The following NAALADL2 variants were observed in gnomAD, a reference collection of about 807,000 sequenced individuals.
NAALADL2 encodes the protein inactive N-acetylated-alpha-linked acidic dipeptidase-like protein 2.
A neutral mutation model predicts 87.2 loss-of-function variants in NAALADL2; 76 were observed. The observed-to-expected ratio is 0.87, with a 90% CI of 0.72 to 1.05. The LOEUF is 1.05. Ranked by LOEUF, NAALADL2 falls within the 50% of genes least tolerant of loss-of-function variation. The pLI, the probability that NAALADL2 is intolerant of heterozygous loss-of-function variation, is 0.00. For synonymous variants in NAALADL2, 354 were observed against 331.0 expected (o/e 1.07, Z -0.75); for missense variants, 1,089 against 945.8 (o/e 1.15, Z -1.99).
At chr3:174,727,386 A>C (rs1443209121) in intron 2 of NAALADL2, among the ~76,000 whole-genome samples, 1 of 151,996 alleles carries the variant, frequency 6.6e-6, no homozygotes, top group African/African-American at 2.4e-5. Context: ...TGATTGAATA[A>C]ATTGAACACA....
chr3:175,442,377 A>G (rs1467092082), intron 5 of NAALADL2, among the ~76,000 whole-genome samples: 1 of 152,190 alleles, frequency 6.6e-6, no homozygotes. Flanking sequence ...GTGGGCATCA[A>G]CAGTTTGAAA....
chr3:175,638,041 C>T (rs1728784936), intron 11 of NAALADL2, among the ~76,000 whole-genome samples: 2 of 151,920 alleles, frequency 1.3e-5, no homozygotes, highest in African/African-American at 4.8e-5. Context: ...GCAATATGTA[C>T]CAGATAATTT....
At chr3:174,697,819 C>T (rs908193446) in intron 2 of NAALADL2, among the ~76,000 whole-genome samples, 17 of 152,062 alleles carry the variant, frequency 1.1e-4, no homozygotes, top group African/African-American at 3.6e-4. Flanking sequence ...TGGCTGGACG[C>T]GGTGGCTCAT....
chr3:174,837,591 T>C (rs1437125098), intron 3 of NAALADL2, among the ~76,000 whole-genome samples: 1 of 152,018 alleles, frequency 6.6e-6, no homozygotes, highest in East Asian at 1.9e-4. Context: ...GTCAGGAGTT[T>C]GAGACCAGCC....
At chr3:175,149,549 AT>A (rs1466499833) in intron 2 of NAALADL2, among the ~76,000 whole-genome samples, 11 of 151,806 alleles carry the variant, frequency 7.2e-5, no homozygotes, top group Non-Finnish European at 4.4e-5. Flanking sequence ...AAGAAATAAT[AT>A]TTTCTTCTTA....
chr3:174,811,697 T>C (rs943010172), intron 3 of NAALADL2, among the ~76,000 whole-genome samples: 1 of 152,152 alleles, frequency 6.6e-6, no homozygotes, highest in Non-Finnish European at 1.5e-5. Context: ...CTTTGGGGAC[T>C]GTTAAGAAGG....
intron 11 of NAALADL2, chr3:175,655,341 T>C: frequency 5.8e-6 from 1 of 170,946 alleles, no homozygotes; most frequent in South Asian, 1.1e-4. Flanking sequence ...ATTTTCTTGC[T>C]ATTTCTAAGC....
intron 3 of NAALADL2, among the ~76,000 whole-genome samples, chr3:174,820,574 G>A (rs1272278767): frequency 2.6e-5 from 4 of 152,010 alleles, no homozygotes; most frequent in African/African-American, 9.7e-5. Flanking sequence ...AATGTATATG[G>A]CATTTGCAAC....
At chr3:175,046,263 G>A (rs1190240307) in intron 1 of NAALADL2, among the ~76,000 whole-genome samples, 2 of 152,112 alleles carry the variant, frequency 1.3e-5, no homozygotes, top group Non-Finnish European at 2.9e-5. Flanking sequence ...GTGGGCTTTG[G>A]ATGGGCTTGA....
intron 1 of NAALADL2, among the ~76,000 whole-genome samples, chr3:174,506,418 T>C (rs768753766): frequency 2.6e-5 from 4 of 152,012 alleles, no homozygotes; most frequent in Non-Finnish European, 4.4e-5. Context: ...TGACCTCAAA[T>C]AATCCACCTG....
intron 2 of NAALADL2, among the ~76,000 whole-genome samples, chr3:174,646,039 A>G (rs1442135354): frequency 6.6e-6 from 1 of 152,174 alleles, no homozygotes; most frequent in Non-Finnish European, 1.5e-5. Flanking sequence ...ATTCCTAAAT[A>G]TGTTTATTTC....
intron 2 of NAALADL2, among the ~76,000 whole-genome samples, chr3:174,605,623 A>G (rs908818940): frequency 5.3e-5 from 8 of 152,114 alleles, no homozygotes; most frequent in East Asian, 1.9e-4. Flanking sequence ...AGGGGCGCCC[A>G]CCATTGCCCA....
intron 1 of NAALADL2, among the ~76,000 whole-genome samples, chr3:174,940,558 T>A (rs114398172): frequency 0.041 from 6,236 of 151,568 alleles, 425 homozygotes; most frequent in African/African-American, 0.14. Context: ...TCCTCTTCAA[T>A]TTTTTTTTGG....
rs577634661 is a variant in NAALADL2 at position 175,231,330 on chromosome 3, T to TA, written c.546-2600dup. On this transcript the variant is annotated intron_variant, in intron 2 of 13. Transcript: ENST00000454872. ...CTGGGTGGTTCCTTTCACTACTCTT[T>TA]ATACATCGTATACGTTGTATATTAT... Among the ~76,000 whole-genome samples, 658 of 152,226 alleles carry TA rather than the reference T, an allele frequency of 4.3e-3. 3 individuals are homozygous for TA. Among genetic ancestry groups the TA allele is most frequent in the African/African-American group, 0.014 (583 of 41,564 alleles).
intron 6 of NAALADL2, among the ~76,000 whole-genome samples, chr3:175,448,482 T>G (rs1044266799): frequency 3.9e-5 from 6 of 152,284 alleles, no homozygotes; most frequent in Non-Finnish European, 8.8e-5. Flanking sequence ...TTTAAATAAT[T>G]AATTAATTCA....
rs576401485 is a variant in NAALADL2 at position 174,606,866 on chromosome 3, C to T, written c.-115+56229C>T. Among the ~76,000 whole-genome samples, 1,454 of 152,136 alleles carry T rather than the reference C, an allele frequency of 9.6e-3. 29 individuals are homozygous for T. The highest frequency in any genetic ancestry group is 0.032 in the African/African-American group (1,325 of 41,486). On this transcript the variant is annotated intron_variant, in intron 2 of 3. Coordinates refer to the NAALADL2 transcript ENST00000434257. ...GAAGAGCAACTCCAAGACACATAATCGTCAGATTCACCAAAGTTGAAATGA... is the reference window on the plus strand; with the variant it reads ...GAAGAGCAACTCCAAGACACATAATTGTCAGATTCACCAAAGTTGAAATGA...
intron 2 of NAALADL2, among the ~76,000 whole-genome samples, chr3:174,606,795 A>C (rs373260548): frequency 6.6e-6 from 1 of 152,176 alleles, no homozygotes; most frequent in Non-Finnish European, 1.5e-5. Flanking sequence ...GCAGGCCAAC[A>C]TTCAGATTCA....
At chr3:175,208,997 T>C (rs534561903) in intron 2 of NAALADL2, among the ~76,000 whole-genome samples, 1 of 152,288 alleles carries the variant, frequency 6.6e-6, no homozygotes, top group Admixed American at 6.5e-5. Context: ...GCTACAAAAT[T>C]ATATTGTTTA....
At chr3:174,800,262 A>G (rs1397145921) in intron 3 of NAALADL2, among the ~76,000 whole-genome samples, 1 of 152,082 alleles carries the variant, frequency 6.6e-6, no homozygotes, top group Non-Finnish European at 1.5e-5. Context: ...ACCTGGAAGA[A>G]AAAAAATGGT....
Sources: gnomAD v4.1 joint callset for allele counts (sites outside exome capture counted in the v4.1 genomes callset) on GRCh38, gnomAD v4.1.1 for gene constraint, MANE v1.5 for transcripts, NCBI Gene and HGNC (gene_info 2026-07-23, HGNC 2026-07-21) for gene names.